Variants in CNOT4 observed in about 807,000 individuals in gnomAD.
CNOT4 encodes CCR4-NOT transcription complex subunit 4, also known as CCR4-associated factor 4.
Under a neutral mutation model 73.8 loss-of-function variants are expected in CNOT4, and 8 were observed. The ratio of observed to expected loss-of-function variants is 0.11; its 90% confidence interval spans 0.06 to 0.20. The LOEUF is 0.20. CNOT4 is among the 10% of genes least tolerant of loss of function. The pLI, the probability that CNOT4 is intolerant of heterozygous loss-of-function variation, is 1.00. For missense variants in CNOT4, 564 were observed against 883.4 expected (o/e 0.64, Z 4.58); for synonymous variants, 293 against 321.1 (o/e 0.91, Z 0.94).
At chr7:135,509,348 G>A (rs991410758) in intron 1 of CNOT4, among the ~76,000 whole-genome samples, 7 of 152,064 alleles carry the variant, frequency 4.6e-5, no homozygotes, top group Admixed American at 1.3e-4. Context: ...AGCACCAGAG[G>A]GGGGCAAAGG....
Position 135,434,169 on chromosome 7 carries a change from C to A in CNOT4, c.174+3989G>T, listed in dbSNP as rs35544166. On this transcript the variant is annotated intron_variant, in intron 2 of 11. Transcript: ENST00000541284. ...GCAGGGTTGGGTTACATGTAAATGGCAGCTTCATGACCCTCTCTAGGCCTC... is the reference window on the plus strand; with the variant it reads ...GCAGGGTTGGGTTACATGTAAATGGAAGCTTCATGACCCTCTCTAGGCCTC... 1.8e-3 allele frequency among the ~76,000 whole-genome samples: 268 copies of A among 152,298 alleles called. 3 individuals are homozygous for A. The highest frequency in any genetic ancestry group is 1.6e-3 in the Non-Finnish European group (111 of 68,022).
intron 1 of CNOT4, among the ~76,000 whole-genome samples, chr7:135,489,341 C>T (rs1422777367): frequency 6.6e-6 from 1 of 150,450 alleles, no homozygotes; most frequent in Non-Finnish European, 1.5e-5. Context: ...ATTCTAACTC[C>T]AGTGTGTATT....
intron 1 of CNOT4, among the ~76,000 whole-genome samples, chr7:135,443,167 A>G (rs1277876820): frequency 6.0e-5 from 9 of 149,038 alleles, no homozygotes; most frequent in Non-Finnish European, 1.2e-4. Flanking sequence ...CCTGGGCACC[A>G]TGGCGAAACC....
rs527956832 is a variant in CNOT4, at chr7:135,461,569, C to T, written c.-92-23146G>A. 1.1e-3 allele frequency among the ~76,000 whole-genome samples: 167 copies of T among 152,210 alleles called. 1 individual carries two copies. Among genetic ancestry groups the T allele is most frequent in the African/African-American group, 3.8e-3 (157 of 41,530 alleles). ...AGCAGAGGCCGGGCGCAGTGGCTCA[C>T]GCCTGTAATCCAAACACTTTGGGAG... is the stretch of plus-strand genomic sequence containing the variant. On this transcript the variant is annotated intron_variant, in intron 1 of 11. Transcript: ENST00000541284.
At chr7:135,431,240 C>G (rs887557995) in intron 2 of CNOT4, among the ~76,000 whole-genome samples, 5 of 152,184 alleles carry the variant, frequency 3.3e-5, no homozygotes, top group Non-Finnish European at 7.3e-5. Flanking sequence ...ACTTCATAGC[C>G]TGGGCGAAAG....
At chr7:135,431,500 T>C (rs931696381) in intron 2 of CNOT4, among the ~76,000 whole-genome samples, 1 of 152,136 alleles carries the variant, frequency 6.6e-6, no homozygotes, top group Admixed American at 6.5e-5. Flanking sequence ...TCCTGACACT[T>C]TGGGAGGCCA....
rs528843330 is a variant in CNOT4 at position 135,423,972 on chromosome 7, C to T, written c.175-1619G>A. Among the ~76,000 whole-genome samples, 14 of 150,612 alleles carry T rather than the reference C, an allele frequency of 9.3e-5. No homozygotes were observed. The East Asian group carries it at 2.7e-3, about 29-fold the overall frequency. On this transcript the variant is annotated intron_variant, in intron 2 of 11. Coordinates refer to ENST00000541284, the MANE Select transcript of CNOT4 (RefSeq NM_001190850.2). ...ATATTTGCCAAGCAAACATCAAAAG[C>T]TACTCTCCAGAATTGAAAACTCAGC...
At chr7:135,502,719 G>A (rs1402976902) in intron 1 of CNOT4, among the ~76,000 whole-genome samples, 3 of 150,942 alleles carry the variant, frequency 2.0e-5, no homozygotes, top group Admixed American at 1.3e-4. Flanking sequence ...AGGAGGCTGA[G>A]GCAGGAGAGT....
At position 135,395,778 on chromosome 7, in the gene CNOT4, C is replaced by T. The variant is rs1796644989; in HGVS notation, c.985G>A (p.Ala329Thr). ...AATAACGACTGTGACTCTGTTACTG[C>T]CCCTTCAAAAGGGGACCGTGCACTG... ...NHSARSPFEGAVTESQSLFSD... is the reference protein window; with the variant it reads ...NHSARSPFEGTVTESQSLFSD... The change falls in exon 9 of 12, where the codon GCA becomes ACA. Residue 329 changes from alanine (A) to threonine (T), a missense_variant. Physicochemically the swap from Ala to Thr is moderately conservative, Grantham distance 58. This residue lies in a region of CNOT4 where 135 missense variants were observed against 154.0 expected (regional missense o/e 0.88). Transcript: ENST00000541284. 1 of 1,613,852 alleles carries T rather than the reference C, an allele frequency of 6.2e-7. No homozygotes were observed. Among genetic ancestry groups the T allele is most frequent in the African/African-American group, 1.3e-5 (1 of 74,868 alleles).
chr7:135,499,836 C>T (rs765646550), intron 1 of CNOT4, among the ~76,000 whole-genome samples: 30 of 152,102 alleles, frequency 2.0e-4, no homozygotes, highest in Non-Finnish European at 2.9e-5. Context: ...ACTCAAATCT[C>T]AAATCCAAAA....
intron 7 of CNOT4, among the ~76,000 whole-genome samples, chr7:135,402,050 T>G (rs1259844456): frequency 2.6e-5 from 4 of 152,100 alleles, no homozygotes. Flanking sequence ...ACGATCTAAT[T>G]TTTTCCTTTT....
At chr7:135,381,692 A>G (rs1467622531) in intron 10 of CNOT4, among the ~76,000 whole-genome samples, 1 of 152,234 alleles carries the variant, frequency 6.6e-6, no homozygotes, top group Non-Finnish European at 1.5e-5. Context: ...TAGGTTACTT[A>G]TTCTGCTATT....
chr7:135,434,035 A>G (rs1799008380), intron 2 of CNOT4, among the ~76,000 whole-genome samples: 1 of 152,208 alleles, frequency 6.6e-6, no homozygotes, highest in Non-Finnish European at 1.5e-5. Flanking sequence ...CATATTGTAG[A>G]CTGAGAACAG....
Position 135,364,216 on chromosome 7 carries a change from G to A in CNOT4, c.1628-150C>T, listed in dbSNP as rs1794791812. 4.4e-6 allele frequency: 3 copies of A among 686,400 alleles called. No homozygotes were observed. Among genetic ancestry groups the A allele is most frequent in the Admixed American group, 3.0e-5 (1 of 33,688 alleles). 42.5% of individuals were successfully genotyped at this position (686,400 alleles called of 1,614,324 possible). A position where few individuals can be genotyped will look rare whatever the true frequency, so the allele number is the denominator to read the frequency against. The stretch of plus-strand genomic sequence containing the variant: ...TGGGTTGTCCTAGCAAGATAAACTT[G>A]GTTAGGATTTTGCTCGTGAGCTCAG... On this transcript the variant is annotated intron_variant, in intron 10 of 11. Transcript: ENST00000541284. The surrounding 1 kb of genome is among the most constrained non-coding windows in gnomAD (Gnocchi z 4.3).
chr7:135,491,947 A>T (rs1424116835), intron 1 of CNOT4, among the ~76,000 whole-genome samples: 1 of 152,196 alleles, frequency 6.6e-6, no homozygotes, highest in Non-Finnish European at 1.5e-5. Flanking sequence ...ATATAGAAAC[A>T]TAGAGAGTAA....
intron 10 of CNOT4, among the ~76,000 whole-genome samples, chr7:135,365,761 T>C (rs970914378): frequency 6.6e-6 from 1 of 152,178 alleles, no homozygotes; most frequent in African/African-American, 2.4e-5. Flanking sequence ...CTGGCCATGA[T>C]TAGCAGAGAG....
chr7:135,368,024 C>T (rs1795005764), intron 10 of CNOT4, among the ~76,000 whole-genome samples: 1 of 151,974 alleles, frequency 6.6e-6, no homozygotes, highest in Non-Finnish European at 1.5e-5. Context: ...ATTTTCAGTT[C>T]TAAACAATTT....
intron 10 of CNOT4, among the ~76,000 whole-genome samples, chr7:135,390,179 G>T (rs1796326544): frequency 6.6e-6 from 1 of 152,106 alleles, no homozygotes; most frequent in South Asian, 2.1e-4. Context: ...GCCACGGGAA[G>T]AAAGCCAAGT....
Position 135,363,959 on chromosome 7 carries a change from A to C in CNOT4, c.1735T>G (p.Ser579Ala), listed in dbSNP as rs1429940360. The change falls in exon 11 of 12, where the codon TCC (serine) becomes GCC (alanine). Residue 579 changes from serine (S) to alanine (A), a missense_variant. Coordinates refer to ENST00000541284, the MANE Select transcript of CNOT4 (RefSeq NM_001190850.2). This position sits in a 1 kb window ranked among gnomAD's most constrained non-coding sequence, Gnocchi z 4.3. ...INFGGLPNSS[S>A]PSNANHSAPT... ...GCACTGTGGTTGGCGTTGGAGGGGG[A>C]AGAAGAATTGGGCAGTCCACCAAAG... 1 of 1,598,098 alleles carries C rather than the reference A, an allele frequency of 6.3e-7. No homozygotes were observed. The highest frequency in any genetic ancestry group is 1.7e-5 in the Admixed American group (1 of 59,950).
Sources: gnomAD v4.1 joint callset for allele counts (sites outside exome capture counted in the v4.1 genomes callset) on GRCh38, gnomAD v4.1.1 for gene constraint, gnomAD v4.1.1 regional missense constraint, Gnocchi (gnomAD v3.1) non-coding constraint, MANE v1.5 for transcripts, NCBI Gene and HGNC (gene_info 2026-07-23, HGNC 2026-07-21) for gene names.